The following DPYD variants were observed in gnomAD, a reference collection of about 807,000 sequenced individuals.
DPYD encodes the protein dihydropyrimidine dehydrogenase [NADP(+)].
Under a neutral mutation model 116.2 loss-of-function variants are expected in DPYD, and 109 were observed. The observed-to-expected ratio is 0.94, with a 90% CI of 0.80 to 1.10. The LOEUF is 1.10. Among genes scored for constraint, DPYD ranks in the 50% least tolerant of loss-of-function variants. The probability of loss-of-function intolerance (pLI) is 0.00; values close to 1 mark genes in which losing one functional copy is unlikely to be tolerated. For missense variants in DPYD, 1,302 were observed against 1,254.5 expected (o/e 1.04, Z -0.57); for synonymous variants, 440 against 432.0 (o/e 1.02, Z -0.23).
In DPYD at chr1:97,913,246, T is replaced by C. The variant is rs1004036437; in HGVS notation, c.39+7638A>G. 2.6e-5 allele frequency among the ~76,000 whole-genome samples: 4 copies of C among 152,086 alleles called. No individual in the cohort carries two copies. The South Asian group carries it at 8.3e-4, about 31-fold the overall frequency. The stretch of plus-strand genomic sequence containing the variant: ...GACATTAAAAAAGTTTAAAATCAGG[T>C]GAATAAGCACATGAAATTCATACAG... On this transcript the variant is annotated intron_variant, in intron 1 of 22. Transcript: ENST00000370192.
chr1:97,147,903 T>C (rs1457387156), intron 20 of DPYD, among the ~76,000 whole-genome samples: 1 of 152,206 alleles, frequency 6.6e-6, no homozygotes, highest in African/African-American at 2.4e-5. Context: ...TAGCCTAAGT[T>C]GGTAAGCATT....
chr1:97,686,011 C>T (rs959149676), intron 7 of DPYD, among the ~76,000 whole-genome samples: 1 of 152,044 alleles, frequency 6.6e-6, no homozygotes, highest in African/African-American at 2.4e-5. Context: ...AAAAAAGAGC[C>T]CATATAGCCA....
chr1:97,484,837 G>A (rs1678529953), intron 13 of DPYD, among the ~76,000 whole-genome samples: 1 of 152,108 alleles, frequency 6.6e-6, no homozygotes, highest in Admixed American at 6.5e-5. Context: ...TATTCATGGA[G>A]TTAGTATATT....
At chr1:97,635,785 A>G (rs930079779) in intron 8 of DPYD, among the ~76,000 whole-genome samples, 2 of 152,104 alleles carry the variant, frequency 1.3e-5, no homozygotes, top group Non-Finnish European at 2.9e-5. Context: ...CCCAAAAACT[A>G]GATATTTTTC....
intron 20 of DPYD, among the ~76,000 whole-genome samples, chr1:97,176,649 G>A (rs190911665): frequency 1.2e-3 from 180 of 152,230 alleles, no homozygotes; most frequent in Admixed American, 4.8e-3. Flanking sequence ...TTATTCTGAG[G>A]TTGCAGAAAA....
chr1:97,867,546 A>G (rs761421069), intron 2 of DPYD, among the ~76,000 whole-genome samples: 1 of 151,916 alleles, frequency 6.6e-6, no homozygotes, highest in Non-Finnish European at 1.5e-5. Context: ...ATTTACCCCC[A>G]GGATGCAAGG....
At chr1:97,343,454 G>A (rs1429847714) in intron 16 of DPYD, among the ~76,000 whole-genome samples, 1 of 151,978 alleles carries the variant, frequency 6.6e-6, no homozygotes, top group Non-Finnish European at 1.5e-5. Flanking sequence ...TTAAAATACA[G>A]AAAATGAAAG....
At chr1:97,227,098 G>A in intron 19 of DPYD, among the ~76,000 whole-genome samples, 1 of 151,962 alleles carries the variant, frequency 6.6e-6, no homozygotes, top group Non-Finnish European at 1.5e-5. Flanking sequence ...GAGGCTGAGT[G>A]GGTGGATCAC....
intron 14 of DPYD, among the ~76,000 whole-genome samples, chr1:97,415,556 A>G (rs1420553614): frequency 2.0e-5 from 3 of 152,132 alleles, no homozygotes; most frequent in African/African-American, 4.8e-5. Flanking sequence ...TCCTGACCCC[A>G]AGTGATCTGC....
At chr1:97,496,132 T>C (rs1003311147) in intron 13 of DPYD, among the ~76,000 whole-genome samples, 8 of 152,090 alleles carry the variant, frequency 5.3e-5, no homozygotes, top group Non-Finnish European at 1.2e-4. Context: ...GAGTTTTTCC[T>C]AACTTCTCTC....
chr1:97,087,423 G>A (rs1649595571), intron 21 of DPYD, among the ~76,000 whole-genome samples: 1 of 152,226 alleles, frequency 6.6e-6, no homozygotes, highest in South Asian at 2.1e-4. Flanking sequence ...GCTGAGAGCA[G>A]AGGGCAGAGA....
intron 2 of DPYD, among the ~76,000 whole-genome samples, chr1:97,876,216 T>C (rs531588387): frequency 6.6e-6 from 1 of 152,170 alleles, no homozygotes; most frequent in Non-Finnish European, 1.5e-5. Flanking sequence ...AGCCAGCAAG[T>C]ACTTCTGACT....
chr1:97,322,538 C>G (rs1335832584), intron 16 of DPYD, among the ~76,000 whole-genome samples: 2 of 151,926 alleles, frequency 1.3e-5, no homozygotes, highest in East Asian at 3.9e-4. Context: ...GTAGTATTCA[C>G]AAATTCAAAA....
chr1:97,650,458 T>C (rs1658517684), intron 8 of DPYD, among the ~76,000 whole-genome samples: 1 of 152,178 alleles, frequency 6.6e-6, no homozygotes, highest in Admixed American at 6.6e-5. Flanking sequence ...TAAACCTTGC[T>C]CCAATTCAGT....
At chr1:97,879,614 C>T (rs1208052459) in intron 2 of DPYD, among the ~76,000 whole-genome samples, 2 of 151,912 alleles carry the variant, frequency 1.3e-5, no homozygotes, top group Non-Finnish European at 2.9e-5. Context: ...AAATCCCCTA[C>T]TGAAGTCAGA....
chr1:97,644,497 T>C (rs1658130323), intron 8 of DPYD, among the ~76,000 whole-genome samples: 1 of 152,106 alleles, frequency 6.6e-6, no homozygotes, highest in African/African-American at 2.4e-5. Flanking sequence ...GTCACAATCT[T>C]GGCTCACTGC....
chr1:97,634,516 T>A (rs1657454293), intron 8 of DPYD, among the ~76,000 whole-genome samples: 1 of 151,908 alleles, frequency 6.6e-6, no homozygotes, highest in South Asian at 2.1e-4. Context: ...AAAACATATA[T>A]AATCATCAAA....
intron 2 of DPYD, among the ~76,000 whole-genome samples, chr1:97,849,031 AAAAAC>A (rs1670447984): frequency 6.6e-6 from 1 of 152,202 alleles, no homozygotes; most frequent in Non-Finnish European, 1.5e-5. Context: ...TATGATAGCA[AAAAAC>A]AAAACAAACA....
chr1:97,136,842 G>GT, intron 20 of DPYD, among the ~76,000 whole-genome samples: 1 of 151,996 alleles, frequency 6.6e-6, no homozygotes, highest in East Asian at 1.9e-4. Context: ...GATCTTTTTT[G>GT]TTTTTTTCAA....
Sources: allele counts gnomAD v4.1 joint callset (sites outside exome capture counted in the v4.1 genomes callset), GRCh38; gene constraint gnomAD v4.1.1; transcripts MANE v1.5; gene names NCBI Gene and HGNC (gene_info 2026-07-23, HGNC 2026-07-21).